Variants in TBC1D5 observed in about 807,000 individuals in gnomAD.
TBC1D5 encodes TBC1 domain family member 5, also known as TBC1 domain family, member 5.
A neutral mutation model predicts 100.3 loss-of-function variants in TBC1D5; 75 were observed. The ratio of observed to expected loss-of-function variants is 0.75; its 90% CI spans 0.62 to 0.91. The LOEUF is 0.91. Ranked by LOEUF, TBC1D5 falls within the 40% of genes least tolerant of loss-of-function variation. TBC1D5 has a pLI of 0.00. For missense variants in TBC1D5, 910 were observed against 942.4 expected (o/e 0.97, Z 0.45); for synonymous variants, 323 against 325.6 (o/e 0.99, Z 0.09).
chr3:17,516,272 CT>C (rs531539333), intron 2 of TBC1D5, among the ~76,000 whole-genome samples: 35 of 152,196 alleles, frequency 2.3e-4, no homozygotes, highest in South Asian at 1.9e-3. Flanking sequence ...CAAAAACATA[CT>C]TTTTTATTAG....
intron 13 of TBC1D5, among the ~76,000 whole-genome samples, chr3:17,365,076 T>G (rs776333020): frequency 2.6e-5 from 4 of 152,202 alleles, no homozygotes; most frequent in African/African-American, 9.6e-5. Flanking sequence ...TAGAATTAAG[T>G]AGACTTAAGA....
At chr3:17,173,466 T>C (rs1419775268) in intron 19 of TBC1D5, among the ~76,000 whole-genome samples, 2 of 152,176 alleles carry the variant, frequency 1.3e-5, no homozygotes, top group Non-Finnish European at 2.9e-5. Context: ...TTTGGAGCAC[T>C]GGCAATGGTA....
chr3:17,218,953 T>G (rs1417283102), intron 17 of TBC1D5, among the ~76,000 whole-genome samples: 2 of 151,874 alleles, frequency 1.3e-5, no homozygotes, highest in Non-Finnish European at 2.9e-5. Flanking sequence ...TTCATAAAAA[T>G]TGTGAAATAT....
At chr3:17,605,503 T>C (rs571709621) in intron 2 of TBC1D5, among the ~76,000 whole-genome samples, 2 of 152,294 alleles carry the variant, frequency 1.3e-5, no homozygotes, top group East Asian at 3.9e-4. Flanking sequence ...GAACTTAAAG[T>C]GCAAATTTAA....
At chr3:17,599,093 T>C (rs1011999181) in intron 2 of TBC1D5, among the ~76,000 whole-genome samples, 3 of 152,160 alleles carry the variant, frequency 2.0e-5, no homozygotes, top group African/African-American at 4.8e-5. Context: ...GTTTCTAATC[T>C]AGGCATTAGG....
At chr3:17,233,120 TATG>T (rs1482907941) in intron 17 of TBC1D5, among the ~76,000 whole-genome samples, 1 of 152,326 alleles carries the variant, frequency 6.6e-6, no homozygotes, top group Middle Eastern at 3.4e-3. Flanking sequence ...AACAAATGGA[TATG>T]ATATTTAAAC....
intron 2 of TBC1D5, among the ~76,000 whole-genome samples, chr3:17,621,183 A>T (rs2062626601): frequency 6.6e-6 from 1 of 151,514 alleles, no homozygotes; most frequent in Non-Finnish European, 1.5e-5. Context: ...ATCTCTAAAT[A>T]AAAAAAAATG....
intron 3 of TBC1D5, among the ~76,000 whole-genome samples, chr3:17,466,160 C>T (rs2095297676): frequency 1.3e-5 from 2 of 152,280 alleles, no homozygotes; most frequent in African/African-American, 4.8e-5. Context: ...CCTAGAGATA[C>T]CGCTATAGTC....
intron 17 of TBC1D5, among the ~76,000 whole-genome samples, chr3:17,215,190 G>C (rs1051562987): frequency 7.2e-5 from 11 of 152,070 alleles, no homozygotes; most frequent in African/African-American, 2.7e-4. Context: ...GTTGTATTGA[G>C]AACAGAATCA....
Position 17,703,904 on chromosome 3 carries a change from T to G in TBC1D5, c.-101+35439A>C, listed in dbSNP as rs11928725. Among the ~76,000 whole-genome samples the G allele has an allele frequency of 0.02, 578 of 29,346 alleles. 1 individual carries two copies. The East Asian group carries it at 0.3, about 15-fold the overall frequency. 19.3% of individuals were successfully genotyped at this position (29,346 alleles called of 152,430 possible). A position where few individuals can be genotyped will look rare whatever the true frequency, so the allele number is the denominator to read the frequency against. ...AGAATGTACCACATTGATATTTGTG[T>G]TTTTTTTTTGTTTTTTTTTTTTTAA... On this transcript the variant is annotated intron_variant, in intron 1 of 21. Coordinates refer to ENST00000253692, the Ensembl canonical transcript of TBC1D5.
At chr3:17,225,116 C>T (rs1003820922) in intron 17 of TBC1D5, among the ~76,000 whole-genome samples, 1 of 152,008 alleles carries the variant, frequency 6.6e-6, no homozygotes, top group African/African-American at 2.4e-5. Context: ...GGATATTTAA[C>T]CAACAGATCA....
At chr3:17,710,331 G>A (rs1371195393) in intron 1 of TBC1D5, among the ~76,000 whole-genome samples, 1 of 152,104 alleles carries the variant, frequency 6.6e-6, no homozygotes, top group Non-Finnish European at 1.5e-5. Context: ...TTGGTTGGCG[G>A]AGGTGGGTGG....
chr3:17,231,984 A>G (rs573173856), intron 17 of TBC1D5, among the ~76,000 whole-genome samples: 1 of 152,312 alleles, frequency 6.6e-6, no homozygotes, highest in South Asian at 2.1e-4. Flanking sequence ...ATGCCCAACC[A>G]ACCAGGTAAA....
At chr3:17,517,862 G>C (rs1023438494) in intron 2 of TBC1D5, among the ~76,000 whole-genome samples, 1 of 151,990 alleles carries the variant, frequency 6.6e-6, no homozygotes, top group Admixed American at 6.6e-5. Flanking sequence ...TTAGATAAAA[G>C]ATGACACTAT....
intron 1 of TBC1D5, among the ~76,000 whole-genome samples, chr3:17,655,885 C>T (rs908911464): frequency 6.6e-6 from 1 of 152,206 alleles, no homozygotes; most frequent in Non-Finnish European, 1.5e-5. Context: ...CGTATTCTCA[C>T]TCTCAGAAGG....
chr3:17,474,737 G>A (rs1292594803), intron 3 of TBC1D5, among the ~76,000 whole-genome samples: 1 of 152,054 alleles, frequency 6.6e-6, no homozygotes, highest in East Asian at 1.9e-4. Flanking sequence ...AGAAGCACAG[G>A]CTTTCAGAAA....
At chr3:17,497,523 T>C (rs930646820) in intron 3 of TBC1D5, among the ~76,000 whole-genome samples, 3 of 152,256 alleles carry the variant, frequency 2.0e-5, no homozygotes, top group African/African-American at 7.2e-5. Context: ...TTATTATTAC[T>C]GAATTTTCAT....
chr3:17,479,949 C>T (rs1348036163), intron 3 of TBC1D5, among the ~76,000 whole-genome samples: 1 of 152,178 alleles, frequency 6.6e-6, no homozygotes, highest in East Asian at 1.9e-4. Flanking sequence ...AGCTCCAGAC[C>T]AAGGAATCCC....
chr3:17,501,846 C>A (rs1389937911), intron 3 of TBC1D5, among the ~76,000 whole-genome samples: 1 of 149,532 alleles, frequency 6.7e-6, no homozygotes, highest in Admixed American at 6.6e-5. Context: ...CCCATTTCAA[C>A]TTGTCTCCAA....
Sources: allele counts gnomAD v4.1 joint callset (sites outside exome capture counted in the v4.1 genomes callset), GRCh38; gene constraint gnomAD v4.1.1; transcripts MANE v1.5; gene names NCBI Gene and HGNC (gene_info 2026-07-23, HGNC 2026-07-21).